Variants in SPEF2 observed in about 807,000 individuals in gnomAD.
SPEF2 encodes sperm flagella and cilia-associated protein 2.
A neutral mutation model predicts 224.6 loss-of-function variants in SPEF2; 187 were observed. That is an observed-to-expected ratio of 0.83 (90% CI 0.74 to 0.94). The LOEUF is 0.94. Among genes scored for constraint, SPEF2 ranks in the 40% least tolerant of loss-of-function variants. The pLI is 0.00. For synonymous variants in SPEF2, 715 were observed against 707.3 expected (o/e 1.01, Z -0.17); for missense variants, 2,170 against 2,135.6 (o/e 1.02, Z -0.32).
At chr5:35,653,286 A>T (rs1254057667) in intron 6 of SPEF2, among the ~76,000 whole-genome samples, 2 of 152,216 alleles carry the variant, frequency 1.3e-5, no homozygotes, top group Non-Finnish European at 2.9e-5. Context: ...CTAGGGCATG[A>T]GCAAGAAGCC....
rs575478527 is a variant in SPEF2, at chr5:35,714,725, C to A, written c.2914+1839C>A. 8.6e-3 allele frequency among the ~76,000 whole-genome samples: 673 copies of A among 78,152 alleles called. 6 individuals are homozygous for A. Among genetic ancestry groups the A allele is most frequent in the African/African-American group, 0.034 (656 of 19,454 alleles). 51.3% of individuals were successfully genotyped at this position (78,152 alleles called of 152,430 possible). Reference sequence around the variant, plus strand: ...ATTTATTTATTTATTTATTTATTGTCCCTGACTGCTTCCCTACTGCCCAAG... The same window carrying A: ...ATTTATTTATTTATTTATTTATTGTACCTGACTGCTTCCCTACTGCCCAAG... On this transcript the variant is annotated intron_variant, in intron 20 of 36. Coordinates refer to ENST00000356031, the MANE Select transcript of SPEF2 (RefSeq NM_024867.4).
At position 35,705,576 on chromosome 5, in the gene SPEF2, C is replaced by T. The variant is rs79129738; in HGVS notation, c.2508-75C>T. On this transcript the variant is annotated intron_variant, in intron 17 of 36. Transcript: ENST00000356031. The stretch of plus-strand genomic sequence containing the variant: ...CAGCCTGTCTTTTCATTACGCATGT[C>T]GGATAATTTATGCTTAATGTCATTC... 2,179 of 1,058,738 alleles carry T rather than the reference C, an allele frequency of 2.1e-3. 33 individuals carry two copies. In the African/African-American group the frequency reaches 0.03, roughly 15 times the overall value. The allele number at this position is 1,058,738 out of a possible 1,614,324, so 65.6% of individuals were successfully genotyped here. A position where few individuals can be genotyped will look rare whatever the true frequency, so the allele number is the denominator to read the frequency against.
At chr5:35,618,891 A>G (rs1212670520) in intron 1 of SPEF2, among the ~76,000 whole-genome samples, 1 of 144,860 alleles carries the variant, frequency 6.9e-6, no homozygotes, top group Non-Finnish European at 1.5e-5. Flanking sequence ...TTTTTTGCTT[A>G]AGGGAAGAGG....
intron 2 of SPEF2, among the ~76,000 whole-genome samples, chr5:35,632,013 A>C (rs1389492932): frequency 6.6e-6 from 1 of 152,204 alleles, no homozygotes; most frequent in Non-Finnish European, 1.5e-5. Context: ...ATTTTGGTCA[A>C]AGCCATTCAA....
At chr5:35,806,192 G>A (rs1434821241) in intron 34 of SPEF2, among the ~76,000 whole-genome samples, 1 of 152,136 alleles carries the variant, frequency 6.6e-6, no homozygotes, top group African/African-American at 2.4e-5. Flanking sequence ...ATTTCAAAGA[G>A]CAGCAGTAAA....
intron 26 of SPEF2, among the ~76,000 whole-genome samples, chr5:35,769,280 C>G (rs1752476802): frequency 6.6e-6 from 1 of 151,892 alleles, no homozygotes; most frequent in Admixed American, 6.6e-5. Context: ...GAATTGCTTG[C>G]AATTTAGGGG....
intron 10 of SPEF2, chr5:35,670,606 G>T: frequency 1.0e-6 from 1 of 986,310 alleles, no homozygotes; most frequent in Non-Finnish European, 1.2e-6. Flanking sequence ...CTAAATAATA[G>T]ACTTTTTTTA....
At chr5:35,635,605 C>T (rs928190130) in intron 2 of SPEF2, among the ~76,000 whole-genome samples, 1 of 152,132 alleles carries the variant, frequency 6.6e-6, no homozygotes, top group Non-Finnish European at 1.5e-5. Flanking sequence ...ACATAGCATT[C>T]CTATGTATAA....
chr5:35,791,630 T>C (rs1320144751), intron 30 of SPEF2: 2 of 152,188 alleles, frequency 1.3e-5, no homozygotes, highest in East Asian at 3.8e-4. Context: ...GATTCATTTA[T>C]TTTGTTTTCT....
At position 35,730,674 on chromosome 5, in the gene SPEF2, G is replaced by C. The variant is rs923572245; in HGVS notation, c.3063+2851G>C. Among the ~76,000 whole-genome samples, 23 of 152,310 alleles carry C rather than the reference G, an allele frequency of 1.5e-4. 1 individual carries two copies. In the East Asian group the frequency reaches 4.0e-3, roughly 27 times the overall value. On this transcript the variant is annotated intron_variant, in intron 21 of 36. Coordinates refer to ENST00000356031, the MANE Select transcript of SPEF2 (RefSeq NM_024867.4). ...ACTGACCAACAAACATGGACAGTTA[G>C]GTAAATGGAAATGATCAATCATTTA...
intron 8 of SPEF2, among the ~76,000 whole-genome samples, chr5:35,659,821 G>T (rs1749464690): frequency 6.6e-6 from 1 of 151,342 alleles, no homozygotes; most frequent in African/African-American, 2.4e-5. Flanking sequence ...AATATCCTCA[G>T]GCAGTGAGAG....
At chr5:35,810,530 A>C (rs1264963136) in intron 36 of SPEF2, among the ~76,000 whole-genome samples, 1 of 152,190 alleles carries the variant, frequency 6.6e-6, no homozygotes, top group Non-Finnish European at 1.5e-5. Flanking sequence ...AAGGAGTGTC[A>C]GCAACTAGCA....
At chr5:35,709,978 T>A in intron 19 of SPEF2, 1 of 983,538 alleles carries the variant, frequency 1.0e-6, no homozygotes, top group Non-Finnish European at 1.2e-6. Flanking sequence ...CACGGAGATT[T>A]GAGATAGGTC....
At chr5:35,787,975 TA>T (rs1755402768) in intron 30 of SPEF2, 4 of 638,924 alleles carry the variant, frequency 6.3e-6, no homozygotes, top group Admixed American at 5.3e-5. Context: ...AAATTTGGCT[TA>T]AAAAATATCC....
chr5:35,685,720 A>G (rs1753511317), intron 10 of SPEF2, among the ~76,000 whole-genome samples: 1 of 152,070 alleles, frequency 6.6e-6, no homozygotes, highest in African/African-American at 2.4e-5. Context: ...CACATCATCT[A>G]TTTGACTGAA....
chr5:35,800,351 G>T lies in SPEF2; in HGVS notation c.5010+204G>T, dbSNP rs546366945. On this transcript the variant is annotated intron_variant, in intron 34 of 36. Transcript: ENST00000356031. ...CCCAATTGCCATCAAAGATTTTTGT[G>T]GTAAAATCAAGATTTATTCAAAGTG... Among the ~76,000 whole-genome samples, 3 of 151,956 alleles carry T rather than the reference G, an allele frequency of 2.0e-5. No homozygotes were observed. In the East Asian group the frequency reaches 5.8e-4, roughly 29 times the overall value.
At chr5:35,660,436 C>T (rs796629899) in intron 8 of SPEF2, among the ~76,000 whole-genome samples, 25 of 152,250 alleles carry the variant, frequency 1.6e-4, no homozygotes, top group African/African-American at 5.8e-4. Context: ...TGTAATGTAA[C>T]TTTTGCCAAA....
chr5:35,726,011 A>C (rs1464578806), intron 20 of SPEF2, among the ~76,000 whole-genome samples: 7 of 152,328 alleles, frequency 4.6e-5, no homozygotes, highest in African/African-American at 1.7e-4. Context: ...TGAAGCCTTC[A>C]TATGGTTGCA....
chr5:35,642,383 C>A (rs747536760), intron 3 of SPEF2, among the ~76,000 whole-genome samples: 1 of 152,130 alleles, frequency 6.6e-6, no homozygotes, highest in African/African-American at 2.4e-5. Context: ...CTTCATCTAC[C>A]GTGCAGCCCA....
Sources: gnomAD v4.1 joint callset for allele counts (sites outside exome capture counted in the v4.1 genomes callset) on GRCh38, gnomAD v4.1.1 for gene constraint, MANE v1.5 for transcripts, NCBI Gene and HGNC (gene_info 2026-07-23, HGNC 2026-07-21) for gene names.